Variants in NEXMIF observed in about 807,000 individuals in gnomAD.
The protein encoded by NEXMIF is XLMR protein related to neurite extension.
NEXMIF carries 8 observed loss-of-function variants against 62.1 expected under a neutral mutation model. The ratio of observed to expected loss-of-function variants is 0.13; its 90% CI spans 0.08 to 0.23. NEXMIF has a LOEUF of 0.23. Ranked by LOEUF, NEXMIF falls within the 10% of genes least tolerant of loss-of-function variation. The pLI, the probability that NEXMIF is intolerant of heterozygous loss-of-function variation, is 1.00. For missense variants in NEXMIF, 976 were observed against 1,113.3 expected (o/e 0.88, Z 1.75); for synonymous variants, 404 against 416.6 (o/e 0.97, Z 0.37).
chrX:74,905,398 T>C (rs1253581387), intron 1 of NEXMIF, among the ~76,000 whole-genome samples: 2 of 112,313 alleles, frequency 1.8e-5, no homozygotes, highest in African/African-American at 3.2e-5. Flanking sequence ...TGGAGAGGAA[T>C]GTGACTGAAA....
chrX:74,779,642 C>T (rs1011237653), intron 1 of NEXMIF, among the ~76,000 whole-genome samples: 7 of 112,061 alleles, frequency 6.2e-5, no homozygotes, highest in African/African-American at 2.3e-4. Context: ...TGCCTTCTTC[C>T]TCTGTCTTTC....
Position 74,742,952 on chromosome X carries a change from C to T in NEXMIF, c.1605G>A (p.Glu535=), listed in dbSNP as rs1301194287. Residue 535 remains glutamate (E), a synonymous_variant, in exon 3 of 4, where the codon GAG becomes GAA. Transcript: ENST00000055682. Reference sequence around the variant, plus strand: ...TGATATATTTGATAATAACAGGGGGCTCCTTACGGGTTACTTTTCTTCTCT... The same window carrying T: ...TGATATATTTGATAATAACAGGGGGTTCCTTACGGGTTACTTTTCTTCTCT... ...PKKRRKVTRK[E]PPVIIKYIII... is the part of the protein sequence containing the mutation. The T allele has an allele frequency of 1.7e-6, 2 of 1,210,730 alleles. No homozygotes were observed. Among genetic ancestry groups the T allele is most frequent in the Non-Finnish European group, 2.2e-6 (2 of 894,743 alleles).
At chrX:74,862,491 T>C (rs1167428465) in intron 1 of NEXMIF, among the ~76,000 whole-genome samples, 1 of 110,041 alleles carries the variant, frequency 9.1e-6, no homozygotes, top group Non-Finnish European at 1.9e-5. Flanking sequence ...GTGGACCTGA[T>C]ACATATCTAC....
At chrX:74,879,087 C>T (rs2080652038) in intron 1 of NEXMIF, among the ~76,000 whole-genome samples, 1 of 112,181 alleles carries the variant, frequency 8.9e-6, no homozygotes, top group African/African-American at 3.2e-5. Flanking sequence ...CTACAGTATC[C>T]AGTACAGTAA....
intron 1 of NEXMIF, among the ~76,000 whole-genome samples, chrX:74,878,320 C>G (rs1022034915): frequency 8.9e-6 from 1 of 112,016 alleles, no homozygotes; most frequent in African/African-American, 3.2e-5. Context: ...GGGTCAGGGA[C>G]CCACTTGAGG....
At chrX:74,894,089 C>G (rs1204445840) in intron 1 of NEXMIF, among the ~76,000 whole-genome samples, 1 of 109,580 alleles carries the variant, frequency 9.1e-6, no homozygotes, top group East Asian at 2.9e-4. Flanking sequence ...TCCAGGAGTT[C>G]AAGACCAGCC....
At chrX:74,822,999 C>T (rs769508320) in intron 1 of NEXMIF, among the ~76,000 whole-genome samples, 1 of 111,990 alleles carries the variant, frequency 8.9e-6, no homozygotes, top group Admixed American at 9.5e-5. Flanking sequence ...CATACCCATA[C>T]AATGGTATAT....
At chrX:74,867,839 G>T (rs1387121132) in intron 1 of NEXMIF, among the ~76,000 whole-genome samples, 1 of 112,118 alleles carries the variant, frequency 8.9e-6, no homozygotes, top group Non-Finnish European at 1.9e-5. Flanking sequence ...TCATCAGAGT[G>T]AAGAGACAAC....
intron 1 of NEXMIF, among the ~76,000 whole-genome samples, chrX:74,795,534 G>T (rs1211140367): frequency 9.0e-6 from 1 of 111,725 alleles, no homozygotes; most frequent in Non-Finnish European, 1.9e-5. Flanking sequence ...TATTAGGGGT[G>T]GGGGAACTGG....
chrX:74,817,513 T>C (rs1393204823), intron 1 of NEXMIF, among the ~76,000 whole-genome samples: 1 of 112,294 alleles, frequency 8.9e-6, no homozygotes, highest in African/African-American at 3.2e-5. Context: ...TAAACTAAAG[T>C]TGCATTCGAT....
intron 1 of NEXMIF, among the ~76,000 whole-genome samples, chrX:74,920,144 A>T (rs779039262): frequency 6.4e-3 from 715 of 111,438 alleles, no homozygotes; most frequent in Non-Finnish European, 9.8e-3. Flanking sequence ...TATACCCAGT[A>T]ATGGGATGGC....
intron 1 of NEXMIF, among the ~76,000 whole-genome samples, chrX:74,754,659 C>A (rs2080154453): frequency 9.0e-6 from 1 of 111,161 alleles, no homozygotes; most frequent in Non-Finnish European, 1.9e-5. Flanking sequence ...TCATAGTTTT[C>A]TTTTACTCAT....
At chrX:74,861,264 C>A (rs902363251) in intron 1 of NEXMIF, among the ~76,000 whole-genome samples, 5 of 111,508 alleles carry the variant, frequency 4.5e-5, no homozygotes, top group African/African-American at 1.6e-4. Context: ...GACTATCTTG[C>A]TGAAATAAGA....
chrX:74,816,395 TAA>T (rs1465723428), intron 1 of NEXMIF, among the ~76,000 whole-genome samples: 2 of 111,894 alleles, frequency 1.8e-5, no homozygotes, highest in African/African-American at 6.5e-5. Flanking sequence ...GAATCTAAGG[TAA>T]GTCTCTAAAT....
At chrX:74,918,575 C>A (rs758333207) in intron 1 of NEXMIF, among the ~76,000 whole-genome samples, 1 of 111,716 alleles carries the variant, frequency 9.0e-6, no homozygotes, top group South Asian at 3.8e-4. Flanking sequence ...CATTTTGACT[C>A]AAACAAAAAA....
At chrX:74,748,538 C>A (rs966142625) in intron 1 of NEXMIF, among the ~76,000 whole-genome samples, 2 of 112,220 alleles carry the variant, frequency 1.8e-5, no homozygotes, top group African/African-American at 6.5e-5. Context: ...GTTTTAAAAT[C>A]TATTTTGAGC....
intron 1 of NEXMIF, among the ~76,000 whole-genome samples, chrX:74,906,328 G>A (rs2080769391): frequency 9.1e-6 from 1 of 110,314 alleles, no homozygotes; most frequent in African/African-American, 3.3e-5. Flanking sequence ...AAGAGGCTGT[G>A]GACTGGGATA....
chrX:74,739,608 T>A lies in NEXMIF; in HGVS notation c.4458-110A>T, dbSNP rs1046336290. 9 of 459,272 alleles carry A rather than the reference T, an allele frequency of 2.0e-5. No homozygotes were observed. In the African/African-American group the frequency reaches 2.4e-4, roughly 12 times the overall value. The allele number at this position is 459,272 out of a possible 1,213,427, so 37.8% of individuals were successfully genotyped here. On this transcript the variant is annotated intron_variant, in intron 3 of 3. Transcript: ENST00000055682. ...ACATCATACTAGATGCCGTATGATG[T>A]AGAAAAAGATACAAATAGCATGGGG...
intron 1 of NEXMIF, among the ~76,000 whole-genome samples, chrX:74,865,769 A>C (rs1202728675): frequency 1.8e-5 from 2 of 112,004 alleles, no homozygotes; most frequent in African/African-American, 6.5e-5. Context: ...CCATGGCTTC[A>C]GAGGGTTCAA....
Sources: gnomAD v4.1 joint callset for allele counts (sites outside exome capture counted in the v4.1 genomes callset) on GRCh38, gnomAD v4.1.1 for gene constraint, MANE v1.5 for transcripts, NCBI Gene and HGNC (gene_info 2026-07-23, HGNC 2026-07-21) for gene names.